AFTPH: variants seen among roughly 807,000 people sequenced by gnomAD.
AFTPH encodes aftiphilin protein.
In AFTPH, 7 loss-of-function variants were observed where a neutral mutation model predicts 72.5. That is an observed-to-expected ratio of 0.10 (90% CI 0.05 to 0.18). The LOEUF is 0.18. Ranked by LOEUF, AFTPH falls within the 10% of genes least tolerant of loss-of-function variation. The pLI, the probability that AFTPH is intolerant of heterozygous loss-of-function variation, is 1.00. For missense variants in AFTPH, 979 were observed against 1,060.5 expected, an observed-to-expected ratio of 0.92 and a Z score of 1.07; for synonymous variants, 337 against 370.1, an observed-to-expected ratio of 0.91 and a Z score of 1.03.
At position 64,575,748 on chromosome 2, in the gene AFTPH, T is replaced by TA. The variant is rs1672736999; in HGVS notation, c.2394+2680_2394+2681insA. On this transcript the variant is annotated intron_variant, in intron 6 of 8. Coordinates refer to ENST00000238856, the Ensembl canonical transcript of AFTPH. ...GTGTGTGTGTGTGTGTGTGTATATA[T>TA]TTTTTTTGGAGGTAGAGTCTTGCTC... is the stretch of plus-strand genomic sequence containing the variant. Among the ~76,000 whole-genome samples, 18 of 126,824 alleles carry TA rather than the reference T, an allele frequency of 1.4e-4. No homozygotes were observed. In the South Asian group the frequency reaches 4.6e-3, roughly 32 times the overall value. 83.2% of individuals were successfully genotyped at this position (126,824 alleles called of 152,430 possible). A position where few individuals can be genotyped will look rare whatever the true frequency, so the allele number is the denominator to read the frequency against.
rs116819234 is a variant in AFTPH at position 64,564,310 on chromosome 2, C to A, written c.1936-3252C>A. On this transcript the variant is annotated intron_variant, in intron 2 of 8. Transcript: ENST00000238856. ...TCATTTATTTCATTCCCTGGCAAGC[C>A]CCCTGTGTCTGTATGTATCATTTGT... Among the ~76,000 whole-genome samples the A allele has an allele frequency of 4.3e-3, 657 of 152,116 alleles. 7 individuals are homozygous for A. Among genetic ancestry groups the A allele is most frequent in the African/African-American group, 0.015 (630 of 41,484 alleles).
chr2:64,541,656 A>G (rs1670258664), intron 1 of AFTPH, among the ~76,000 whole-genome samples: 1 of 152,184 alleles, frequency 6.6e-6, no homozygotes, highest in Non-Finnish European at 1.5e-5. Context: ...ATATGACCTT[A>G]AAATTTCCAT....
intron 6 of AFTPH, among the ~76,000 whole-genome samples, chr2:64,574,022 C>T (rs140130841): frequency 1.3e-3 from 203 of 152,242 alleles, no homozygotes; most frequent in African/African-American, 4.4e-3. Flanking sequence ...TTTTTTCAGA[C>T]TAATATGTTA....
chr2:64,573,314 A>G (rs777388641), intron 6 of AFTPH, among the ~76,000 whole-genome samples: 5 of 152,156 alleles, frequency 3.3e-5, no homozygotes, highest in African/African-American at 7.2e-5. Context: ...AAAACTATCC[A>G]GGCCTTAGTC....
chr2:64,556,819 C>G (rs978024328), intron 2 of AFTPH, among the ~76,000 whole-genome samples: 2 of 152,172 alleles, frequency 1.3e-5, no homozygotes, highest in Non-Finnish European at 2.9e-5. Flanking sequence ...ATGTAAAAGC[C>G]ATATATGAAC....
chr2:64,547,629 A>C (rs1670732014), intron 1 of AFTPH, among the ~76,000 whole-genome samples: 1 of 151,654 alleles, frequency 6.6e-6, no homozygotes, highest in African/African-American at 2.4e-5. Context: ...ATCTGTGAGG[A>C]CTCAGTTTAT....
At chr2:64,554,012 A>G (rs1671210832) in intron 2 of AFTPH, among the ~76,000 whole-genome samples, 2 of 152,208 alleles carry the variant, frequency 1.3e-5, no homozygotes, top group South Asian at 4.1e-4. Flanking sequence ...AGCAGCTGCT[A>G]AAAGACTTGG....
chr2:64,592,078 A>G (rs1374684662), exon 9 of AFTPH: 1 of 1,555,010 alleles, frequency 6.4e-7, no homozygotes, highest in African/African-American at 1.4e-5. Flanking sequence ...CCTTTTTTCC[A>G]TCCCTTCCCT....
At position 64,545,900 on chromosome 2, in the gene AFTPH, G is replaced by GT. The variant is rs537111014; in HGVS notation, c.-32-5536dup. ...GTTTTTTTTTGTTTTGTTTCGTTTT[G>GT]TTTTTTTAATGGGATGGAGTCTCAC... is the stretch of plus-strand genomic sequence containing the variant. On this transcript the variant is annotated intron_variant, in intron 1 of 8. Coordinates refer to ENST00000238856, the Ensembl canonical transcript of AFTPH. Among the ~76,000 whole-genome samples, 772 of 151,780 alleles carry GT rather than the reference G, an allele frequency of 5.1e-3. 4 individuals are homozygous for GT. Among genetic ancestry groups the GT allele is most frequent in the Non-Finnish European group, 8.3e-3 (561 of 67,910 alleles).
chr2:64,569,940 C>T (rs1256772993), intron 5 of AFTPH, among the ~76,000 whole-genome samples: 1 of 152,046 alleles, frequency 6.6e-6, no homozygotes, highest in African/African-American at 2.4e-5. Flanking sequence ...CTGTAAAATG[C>T]ACCTTTGGAG....
At chr2:64,537,111 CTG>C (rs1669941338) in intron 1 of AFTPH, among the ~76,000 whole-genome samples, 1 of 151,508 alleles carries the variant, frequency 6.6e-6, no homozygotes, top group Non-Finnish European at 1.5e-5. Flanking sequence ...TATTAATAGA[CTG>C]TTTTCAGCTG....
At chr2:64,578,228 A>T (rs1167052799) in intron 6 of AFTPH, among the ~76,000 whole-genome samples, 5 of 152,220 alleles carry the variant, frequency 3.3e-5, no homozygotes, top group Non-Finnish European at 7.3e-5. Flanking sequence ...CCTTTTCTAT[A>T]AAAAACAGCA....
At chr2:64,566,789 A>T (rs1672116417) in intron 2 of AFTPH, among the ~76,000 whole-genome samples, 1 of 152,052 alleles carries the variant, frequency 6.6e-6, no homozygotes, top group Non-Finnish European at 1.5e-5. Context: ...AAAAAAAGCC[A>T]AGAAATGTAT....
intron 8 of AFTPH, 44 bp downstream of exon 9, chr2:64,585,589 A>T (rs370514128): frequency 6.4e-7 from 1 of 1,563,986 alleles, no homozygotes; most frequent in Non-Finnish European, 8.6e-7. Flanking sequence ...GAATTCTGAG[A>T]TAAAACGACC....
At chr2:64,541,151 G>A (rs1670228019) in intron 1 of AFTPH, among the ~76,000 whole-genome samples, 1 of 152,094 alleles carries the variant, frequency 6.6e-6, no homozygotes, top group South Asian at 2.1e-4. Context: ...AGTATGAGGA[G>A]ATAATTGAGA....
At chr2:64,552,399 G>A (rs1489388438) in exon 2 of AFTPH, 1 of 1,614,050 alleles carries the variant, frequency 6.2e-7, no homozygotes, top group Non-Finnish European at 8.5e-7. Context: ...GACTAACAGA[G>A]GTTTCAGTGT....
chr2:64,586,296 T>A (rs1673501997), intron 8 of AFTPH, among the ~76,000 whole-genome samples: 1 of 152,230 alleles, frequency 6.6e-6, no homozygotes, highest in African/African-American at 2.4e-5. Context: ...CTCTGCTGTC[T>A]CAAATCTGTG....
chr2:64,585,544 A>C, exon 8 of AFTPH: 1 of 1,606,222 alleles, frequency 6.2e-7, no homozygotes, highest in Non-Finnish European at 8.5e-7. Flanking sequence ...CACATCTACC[A>C]GGTAAATAAA....
At chr2:64,569,038 T>C in intron 3 of AFTPH, 54 bp from the exon 4 acceptor site, 1 of 1,604,542 alleles carries the variant, frequency 6.2e-7, no homozygotes, top group Non-Finnish European at 8.5e-7. Context: ...GTAGAACTCA[T>C]GGTGAAAGTT....
Sources: gnomAD v4.1 joint callset for allele counts (sites outside exome capture counted in the v4.1 genomes callset) on GRCh38, gnomAD v4.1.1 for gene constraint, MANE v1.5 for transcripts, NCBI Gene and HGNC (gene_info 2026-07-23, HGNC 2026-07-21) for gene names.